PLXDC2: variants seen among roughly 807,000 people sequenced by gnomAD.
The protein encoded by PLXDC2 is plexin domain containing 2.
A neutral mutation model predicts 68.9 loss-of-function variants in PLXDC2; 40 were observed. That is an observed-to-expected ratio of 0.58 (90% CI 0.45 to 0.76). The LOEUF is 0.76. Among genes scored for constraint, PLXDC2 ranks in the 30% least tolerant of loss-of-function variants. The pLI is 0.00. For synonymous variants in PLXDC2, 243 were observed against 234.2 expected (o/e 1.04, Z -0.34); for missense variants, 644 against 661.9 (o/e 0.97, Z 0.30).
At chr10:20,051,415 TA>T (rs1835898428) in intron 3 of PLXDC2, among the ~76,000 whole-genome samples, 1 of 42,440 alleles carries the variant, frequency 2.4e-5, no homozygotes, top group Admixed American at 2.0e-4. Flanking sequence ...TATATATATA[TA>T]TATATATATA....
At chr10:19,977,814 C>G (rs955252628) in intron 1 of PLXDC2, among the ~76,000 whole-genome samples, 1 of 152,106 alleles carries the variant, frequency 6.6e-6, no homozygotes, top group African/African-American at 2.4e-5. Flanking sequence ...GAGGCCCACC[C>G]TTACGACCTA....
intron 1 of PLXDC2, among the ~76,000 whole-genome samples, chr10:19,980,411 C>T (rs1834533528): frequency 6.6e-6 from 1 of 152,144 alleles, no homozygotes; most frequent in Non-Finnish European, 1.5e-5. Flanking sequence ...AACAAAATAC[C>T]ATAGACTGGG....
At chr10:19,873,539 C>A (rs1837582619) in intron 1 of PLXDC2, among the ~76,000 whole-genome samples, 1 of 151,270 alleles carries the variant, frequency 6.6e-6, no homozygotes, top group Admixed American at 6.6e-5. Flanking sequence ...CTCTCCTCTA[C>A]CTTTGGAGTA....
Position 20,238,662 on chromosome 10 carries a change from A to AAT in PLXDC2, c.1313-6670_1313-6669dup, listed in dbSNP as rs1554777528. Among the ~76,000 whole-genome samples, 303 of 31,614 alleles carry AAT rather than the reference A, an allele frequency of 9.6e-3. 3 individuals are homozygous for AAT. Among genetic ancestry groups the AAT allele is most frequent in the African/African-American group, 0.031 (291 of 9,522 alleles). The allele number at this position is 31,614 out of a possible 152,430, so 20.7% of individuals were successfully genotyped here. On this transcript the variant is annotated intron_variant, in intron 12 of 13. Coordinates refer to ENST00000377252, the MANE Select transcript of PLXDC2 (RefSeq NM_032812.9). ...CAGAGAAAGACTCCATCTCAAAAAA[A>AAT]ATATATATATATATGTATATATATA...
In PLXDC2 at chr10:20,203,619, A is replaced by AT. The variant is rs113724217; in HGVS notation, c.1062-8039dup. Among the ~76,000 whole-genome samples, 218 of 148,208 alleles carry AT rather than the reference A, an allele frequency of 1.5e-3. 2 individuals are homozygous for AT. Among genetic ancestry groups the AT allele is most frequent in the African/African-American group, 4.4e-3 (177 of 40,656 alleles). On this transcript the variant is annotated intron_variant, in intron 9 of 13. Transcript: ENST00000377252. ...AGCCACCGTGCCCAGCCCAATACGAATTTTTTTTTTTAAGTGAGATGACAG... is the reference window on the plus strand; with the variant it reads ...AGCCACCGTGCCCAGCCCAATACGAATTTTTTTTTTTTAAGTGAGATGACAG...
intron 3 of PLXDC2, among the ~76,000 whole-genome samples, chr10:20,055,656 A>G (rs923723734): frequency 4.0e-5 from 6 of 151,892 alleles, no homozygotes; most frequent in Non-Finnish European, 5.9e-5. Context: ...AAGTTTATCA[A>G]CCTGGTCTTA....
intron 2 of PLXDC2, among the ~76,000 whole-genome samples, chr10:20,012,329 TTTTTTGG>T (rs1268935560): frequency 9.5e-4 from 19 of 19,970 alleles, no homozygotes; most frequent in African/African-American, 1.3e-3. Flanking sequence ...TTTTTTTTTT[TTTTTTGG>T]AGAAGGAGAC....
At chr10:20,073,984 G>A (rs1455712883) in intron 4 of PLXDC2, among the ~76,000 whole-genome samples, 3 of 152,026 alleles carry the variant, frequency 2.0e-5, no homozygotes, top group South Asian at 2.1e-4. Context: ...ATGTGAGATG[G>A]GTTAATTACA....
chr10:19,891,385 C>T (rs2131360111), intron 1 of PLXDC2, among the ~76,000 whole-genome samples: 1 of 145,550 alleles, frequency 6.9e-6, no homozygotes, highest in African/African-American at 2.4e-5. Context: ...CTGCACTTTC[C>T]TTTGCCTCTT....
intron 1 of PLXDC2, among the ~76,000 whole-genome samples, chr10:19,859,538 A>T: frequency 6.6e-6 from 1 of 152,284 alleles, no homozygotes. Flanking sequence ...GAAATTACAT[A>T]TTAATTTCAG....
At chr10:19,968,643 G>A (rs983160828) in intron 1 of PLXDC2, among the ~76,000 whole-genome samples, 1 of 152,096 alleles carries the variant, frequency 6.6e-6, no homozygotes, top group Admixed American at 6.5e-5. Context: ...GTTTTGGGGC[G>A]GAGTGTCATT....
At chr10:19,921,112 C>CT (rs57207021) in intron 1 of PLXDC2, among the ~76,000 whole-genome samples, 8,038 of 137,500 alleles carry the variant, frequency 0.058, 336 homozygotes, top group East Asian at 0.18. Flanking sequence ...TTTTCTTCTT[C>CT]TTTTTTTTTT....
intron 9 of PLXDC2, among the ~76,000 whole-genome samples, chr10:20,206,016 G>A (rs568234727): frequency 6.6e-5 from 10 of 151,926 alleles, no homozygotes; most frequent in African/African-American, 2.2e-4. Context: ...TTGCTTAGAC[G>A]GTAAATGTCA....
intron 1 of PLXDC2, among the ~76,000 whole-genome samples, chr10:19,898,599 C>T (rs1265461226): frequency 6.6e-6 from 1 of 152,074 alleles, no homozygotes; most frequent in African/African-American, 2.4e-5. Flanking sequence ...AAAAAACTGA[C>T]ATTAATTTAG....
At chr10:20,012,806 T>C (rs1835142481) in intron 2 of PLXDC2, among the ~76,000 whole-genome samples, 1 of 152,232 alleles carries the variant, frequency 6.6e-6, no homozygotes, top group East Asian at 1.9e-4. Context: ...AGTTTTCTTT[T>C]TGTGTTTCCC....
chr10:19,894,377 A>G (rs893268359), intron 1 of PLXDC2, among the ~76,000 whole-genome samples: 1 of 152,068 alleles, frequency 6.6e-6, no homozygotes, highest in Non-Finnish European at 1.5e-5. Flanking sequence ...GGTGCCATGA[A>G]TCAGAGATTC....
rs752499900 is a variant in PLXDC2, at chr10:20,172,181, C to CAA, written c.884-4817_884-4816dup. Among the ~76,000 whole-genome samples the CAA allele has an allele frequency of 2.1e-5, 3 of 141,868 alleles. No individual in the cohort carries two copies. The East Asian group carries it at 6.6e-4, about 31-fold the overall frequency. The allele number at this position is 141,868 out of a possible 152,430, so 93.1% of individuals were successfully genotyped here. ...TTTTGGGATATTGTTTTCTGAGACC[C>CAA]AACACACCCAATTCAATTTAATGAA... On this transcript the variant is annotated intron_variant, in intron 7 of 13. Coordinates refer to ENST00000377252, the MANE Select transcript of PLXDC2 (RefSeq NM_032812.9).
At chr10:19,873,090 G>T (rs546881936) in intron 1 of PLXDC2, among the ~76,000 whole-genome samples, 44 of 152,298 alleles carry the variant, frequency 2.9e-4, no homozygotes, top group African/African-American at 1.0e-3. Flanking sequence ...TGTTCATGCT[G>T]TGTTTTTATC....
At chr10:19,954,849 G>C (rs1305778651) in intron 1 of PLXDC2, among the ~76,000 whole-genome samples, 1 of 152,140 alleles carries the variant, frequency 6.6e-6, no homozygotes, top group African/African-American at 2.4e-5. Flanking sequence ...ACTTACAGGA[G>C]AGGTCACATA....
Sources: allele counts gnomAD v4.1 joint callset (sites outside exome capture counted in the v4.1 genomes callset), GRCh38; gene constraint gnomAD v4.1.1; transcripts MANE v1.5; gene names NCBI Gene and HGNC (gene_info 2026-07-23, HGNC 2026-07-21).